Variants in ANO3 observed in about 807,000 individuals in gnomAD.
ANO3 encodes anoctamin 3, also known as anoctamin-3.
A neutral mutation model predicts 144.8 loss-of-function variants in ANO3; 99 were observed. The ratio of observed to expected loss-of-function variants is 0.68; its 90% CI spans 0.58 to 0.81. The LOEUF is 0.81. Among genes scored for constraint, ANO3 ranks in the 30% least tolerant of loss-of-function variants. The pLI is 0.00. For synonymous variants in ANO3, 414 were observed against 392.6 expected (o/e 1.05, Z -0.64); for missense variants, 905 against 1,202.2 (o/e 0.75, Z 3.66).
chr11:26,380,392 T>C (rs1414225743), intron 1 of ANO3, among the ~76,000 whole-genome samples: 2 of 152,204 alleles, frequency 1.3e-5, no homozygotes, highest in Non-Finnish European at 2.9e-5. Context: ...CTGGCTGCTA[T>C]AACAAAATAC....
At chr11:26,358,505 A>T (rs1855845152) in intron 1 of ANO3, among the ~76,000 whole-genome samples, 2 of 152,172 alleles carry the variant, frequency 1.3e-5, no homozygotes, top group African/African-American at 4.8e-5. Context: ...TGGGATTTTT[A>T]TTGGGATTGT....
intron 3 of ANO3, among the ~76,000 whole-genome samples, chr11:26,449,485 T>TCACA (rs1464465815): frequency 3.4e-5 from 1 of 29,822 alleles, no homozygotes; most frequent in African/African-American, 8.6e-5. Context: ...TCTCTCTCTC[T>TCACA]CTCACACACA....
intron 4 of ANO3, among the ~76,000 whole-genome samples, chr11:26,467,405 G>T (rs1305966170): frequency 3.0e-5 from 1 of 33,188 alleles, no homozygotes; most frequent in East Asian, 8.3e-4. Context: ...TATTTTTTGT[G>T]CCCATTTAAT....
intron 7 of ANO3, 25 bp from the exon 8 acceptor site, chr11:26,531,180 G>A: frequency 1.9e-6 from 3 of 1,613,164 alleles, no homozygotes; most frequent in Non-Finnish European, 2.5e-6. Context: ...ACCTAATCTA[G>A]TTCTCAAATG....
intron 10 of ANO3, 106 bp from the exon 11 acceptor site, chr11:26,541,841 C>T (rs1849652526): frequency 1.0e-5 from 11 of 1,059,952 alleles, no homozygotes; most frequent in Non-Finnish European, 9.0e-6. Context: ...ATTTTTGAAG[C>T]TTTCAATAAG....
intron 1 of ANO3, among the ~76,000 whole-genome samples, chr11:26,419,518 A>G (rs1324957171): frequency 2.0e-5 from 3 of 148,482 alleles, no homozygotes; most frequent in Non-Finnish European, 2.9e-5. Context: ...AATTAATAGG[A>G]TTTTTTTCAG....
At chr11:26,542,228 T>C (rs1849665447) in intron 11 of ANO3, among the ~76,000 whole-genome samples, 160 bp downstream of exon 11, 1 of 152,094 alleles carries the variant, frequency 6.6e-6, no homozygotes, top group African/African-American at 2.4e-5. Context: ...AGGTAATTGG[T>C]TATACAGGGG....
rs1336274070 is a variant in ANO3, at chr11:26,661,766, T to C, written c.*1322T>C. ...AACTCTGTATCTATGAGTATGTCTG[T>C]TCCACAGACAGATGAGGCAGGAGTG... is the stretch of plus-strand genomic sequence containing the variant. On this transcript the variant is annotated 3_prime_UTR_variant, in exon 27 of 27. Coordinates refer to ENST00000256737, the MANE Select transcript of ANO3 (RefSeq NM_031418.4). 1 of 152,062 alleles carries C rather than the reference T, an allele frequency of 6.6e-6. No individual in the cohort carries two copies. Among genetic ancestry groups the C allele is most frequent in the Non-Finnish European group, 1.5e-5 (1 of 67,994 alleles). 9.4% of individuals were successfully genotyped at this position (152,062 alleles called of 1,614,324 possible). A position where few individuals can be genotyped will look rare whatever the true frequency, so the allele number is the denominator to read the frequency against.
chr11:26,595,460 GTTTTTTT>G (rs201712393), intron 14 of ANO3, among the ~76,000 whole-genome samples: 7 of 101,388 alleles, frequency 6.9e-5, no homozygotes, highest in African/African-American at 8.4e-5. Context: ...AGATAGAGTT[GTTTTTTT>G]TTTTTTTTTT....
chr11:26,392,011 C>G (rs1176381312), intron 1 of ANO3, among the ~76,000 whole-genome samples: 1 of 152,092 alleles, frequency 6.6e-6, no homozygotes, highest in Non-Finnish European at 1.5e-5. Context: ...CATTTTGTTT[C>G]CTAATGAATC....
intron 3 of ANO3, among the ~76,000 whole-genome samples, chr11:26,446,321 G>A (rs571810495): frequency 1.1e-4 from 16 of 152,238 alleles, no homozygotes; most frequent in African/African-American, 3.1e-4. Context: ...TGCCTTTAGC[G>A]TGCAGAGTAC....
At chr11:26,355,750 G>A (rs1165361124) in intron 1 of ANO3, among the ~76,000 whole-genome samples, 1 of 151,890 alleles carries the variant, frequency 6.6e-6, no homozygotes, top group African/African-American at 2.4e-5. Flanking sequence ...AGTAGAGACG[G>A]GGTTTCACCA....
chr11:26,587,992 T>C (rs936168230), intron 14 of ANO3, among the ~76,000 whole-genome samples: 2 of 152,010 alleles, frequency 1.3e-5, no homozygotes, highest in Non-Finnish European at 2.9e-5. Context: ...AAGAGGGTTT[T>C]CATTAGAATC....
intron 1 of ANO3, among the ~76,000 whole-genome samples, chr11:26,199,122 T>TC (rs757756830): frequency 1.2e-4 from 18 of 149,644 alleles, no homozygotes; most frequent in Non-Finnish European, 2.5e-4. Context: ...TTTTTTTTTT[T>TC]CCTGTTCAAG....
intron 1 of ANO3, among the ~76,000 whole-genome samples, chr11:26,416,304 G>A (rs1160181390): frequency 2.6e-5 from 4 of 152,026 alleles, no homozygotes; most frequent in Non-Finnish European, 5.9e-5. Context: ...AAAAGATTTA[G>A]TTGACACCCA....
At chr11:26,286,610 G>A (rs1352586696) in intron 1 of ANO3, among the ~76,000 whole-genome samples, 3 of 152,170 alleles carry the variant, frequency 2.0e-5, no homozygotes, top group Admixed American at 6.5e-5. Context: ...TACAAGTTAA[G>A]ATTCAGTAGG....
intron 10 of ANO3, among the ~76,000 whole-genome samples, 166 bp from the exon 11 acceptor site, chr11:26,541,781 A>G (rs1413550104): frequency 1.3e-5 from 2 of 152,180 alleles, no homozygotes; most frequent in Non-Finnish European, 2.9e-5. Flanking sequence ...TTAATGAAAG[A>G]TATGTAAAGG....
intron 4 of ANO3, among the ~76,000 whole-genome samples, chr11:26,485,070 C>A (rs955918026): frequency 6.6e-6 from 1 of 152,140 alleles, no homozygotes; most frequent in Non-Finnish European, 1.5e-5. Context: ...AGGAACTTGC[C>A]TTGTCTCAGA....
chr11:26,455,161 C>T (rs1292026066), intron 3 of ANO3, among the ~76,000 whole-genome samples: 3 of 150,884 alleles, frequency 2.0e-5, no homozygotes, highest in African/African-American at 7.3e-5. Context: ...TGAAAACTGG[C>T]ACAAGACAGG....
Sources: allele counts gnomAD v4.1 joint callset (sites outside exome capture counted in the v4.1 genomes callset), GRCh38; gene constraint gnomAD v4.1.1; transcripts MANE v1.5; gene names NCBI Gene and HGNC (gene_info 2026-07-23, HGNC 2026-07-21).